NRXN1: variants seen among roughly 807,000 people sequenced by gnomAD.
NRXN1 encodes the protein neurexin-1.
In NRXN1, 39 loss-of-function variants were observed where a neutral mutation model predicts 150.9. The observed-to-expected ratio is 0.26, with a 90% CI of 0.20 to 0.34. The LOEUF (loss-of-function observed/expected upper bound fraction) is 0.34. Ranked by LOEUF, NRXN1 falls within the 10% of genes least tolerant of loss-of-function variation. NRXN1 has a pLI of 1.00. For missense variants in NRXN1, 1,815 were observed against 1,949.9 expected, an observed-to-expected ratio of 0.93 and a Z score of 1.30; for synonymous variants, 924 against 757.0, an observed-to-expected ratio of 1.22 and a Z score of -3.62.
chr2:50,110,792 T>C (rs1302057175), intron 18 of NRXN1, among the ~76,000 whole-genome samples: 2 of 152,186 alleles, frequency 1.3e-5, no homozygotes, highest in East Asian at 1.9e-4. Flanking sequence ...TAGGTTTTAA[T>C]TTAGACTACA....
intron 18 of NRXN1, among the ~76,000 whole-genome samples, chr2:50,168,442 G>A (rs969409475): frequency 7.2e-5 from 11 of 151,986 alleles, no homozygotes; most frequent in Non-Finnish European, 4.4e-5. Context: ...TAAAAATCAC[G>A]GTTCATTTGA....
intron 17 of NRXN1, among the ~76,000 whole-genome samples, chr2:50,443,594 G>C (rs1018997135): frequency 6.6e-6 from 1 of 152,156 alleles, no homozygotes; most frequent in Non-Finnish European, 1.5e-5. Flanking sequence ...AAATCAGTAT[G>C]TGATCTGGGC....
chr2:50,287,110 T>C (rs1402530900), intron 17 of NRXN1, among the ~76,000 whole-genome samples: 1 of 152,108 alleles, frequency 6.6e-6, no homozygotes, highest in African/African-American at 2.4e-5. Context: ...GAGCTTAATA[T>C]TTTTTCAACA....
At chr2:50,598,677 T>G (rs947391294) in intron 8 of NRXN1, among the ~76,000 whole-genome samples, 2 of 147,644 alleles carry the variant, frequency 1.4e-5, no homozygotes, top group East Asian at 1.9e-4. Context: ...CATATATATG[T>G]GTATGTATAT....
intron 17 of NRXN1, among the ~76,000 whole-genome samples, chr2:50,422,334 GA>G (rs1558703522): frequency 6.6e-6 from 1 of 152,078 alleles, no homozygotes; most frequent in East Asian, 1.9e-4. Flanking sequence ...TAAAAACAAA[GA>G]AAAACATTTT....
intron 16 of NRXN1, among the ~76,000 whole-genome samples, chr2:50,469,849 T>A (rs770125197): frequency 2.0e-5 from 3 of 150,544 alleles, no homozygotes; most frequent in Non-Finnish European, 3.0e-5. Flanking sequence ...AGTGACTGGG[T>A]TCAAATGTTC....
intron 18 of NRXN1, among the ~76,000 whole-genome samples, chr2:50,224,422 G>A (rs2064164374): frequency 6.6e-6 from 1 of 151,856 alleles, no homozygotes; most frequent in Non-Finnish European, 1.5e-5. Flanking sequence ...AGATCAGTGT[G>A]TGTTCCACAG....
intron 8 of NRXN1, among the ~76,000 whole-genome samples, chr2:50,555,100 C>T (rs1668040471): frequency 6.6e-6 from 1 of 152,086 alleles, no homozygotes; most frequent in Non-Finnish European, 1.5e-5. Flanking sequence ...GACTTTCATG[C>T]TACTTAAACC....
intron 17 of NRXN1, chr2:50,312,712 T>C (rs1224446768): frequency 3.9e-6 from 2 of 514,976 alleles, no homozygotes; most frequent in Admixed American, 3.9e-5. Flanking sequence ...CACTAGAAAA[T>C]GCTTCTATCA....
chr2:50,115,638 T>G (rs770745987), intron 18 of NRXN1, among the ~76,000 whole-genome samples: 4 of 151,820 alleles, frequency 2.6e-5, no homozygotes, highest in Non-Finnish European at 5.9e-5. Flanking sequence ...ATACTTCCAG[T>G]CTTGGGAAAA....
At chr2:50,656,698 C>G (rs1324148265) in intron 5 of NRXN1, among the ~76,000 whole-genome samples, 1 of 151,696 alleles carries the variant, frequency 6.6e-6, no homozygotes, top group African/African-American at 2.4e-5. Context: ...CATGTCCCCA[C>G]CACTCCATTC....
At chr2:50,627,300 A>G (rs1031775626) in intron 5 of NRXN1, among the ~76,000 whole-genome samples, 3 of 147,948 alleles carry the variant, frequency 2.0e-5, no homozygotes, top group African/African-American at 7.6e-5. Context: ...CTCATTTGTC[A>G]TTGCTTATTG....
At chr2:49,978,981 C>G (rs138186269) in intron 21 of NRXN1, among the ~76,000 whole-genome samples, 92 of 152,198 alleles carry the variant, frequency 6.0e-4, no homozygotes, top group African/African-American at 2.1e-3. Flanking sequence ...CAAAAATCAT[C>G]ATAGATAACA....
chr2:50,439,774 G>C (rs1384610416), intron 17 of NRXN1, among the ~76,000 whole-genome samples: 2 of 150,668 alleles, frequency 1.3e-5, no homozygotes, highest in African/African-American at 4.9e-5. Context: ...CCGAAATTGT[G>C]CCACTGCACT....
In NRXN1 at chr2:50,111,457, G is replaced by A. The variant is rs1199355883; in HGVS notation, c.3547-19963C>T. On this transcript the variant is annotated intron_variant, in intron 18 of 22. Transcript: ENST00000401669. ...AGGAGTGAGACCGCCTGGCCAACAC[G>A]GTGAAACCCCTTCTCTACTAAAAAT... 7.9e-5 allele frequency among the ~76,000 whole-genome samples: 12 copies of A among 151,992 alleles called. No homozygotes were observed. In the East Asian group the frequency reaches 2.3e-3, roughly 29 times the overall value.
At chr2:50,945,302 C>T (rs1690164799) in intron 2 of NRXN1, among the ~76,000 whole-genome samples, 1 of 152,034 alleles carries the variant, frequency 6.6e-6, no homozygotes, top group Admixed American at 6.6e-5. Flanking sequence ...GGTAAAACCA[C>T]ATCTCTACAA....
At chr2:49,941,482 A>C (rs1325513617) in intron 22 of NRXN1, among the ~76,000 whole-genome samples, 2 of 151,868 alleles carry the variant, frequency 1.3e-5, no homozygotes, top group African/African-American at 4.8e-5. Flanking sequence ...GGTTAATCAG[A>C]CCTATAAGCA....
intron 2 of NRXN1, among the ~76,000 whole-genome samples, chr2:51,024,178 G>A (rs773507121): frequency 1.3e-5 from 2 of 152,134 alleles, no homozygotes; most frequent in Non-Finnish European, 2.9e-5. Context: ...TCATTTAGAT[G>A]AGACCATAAC....
chr2:49,934,829 T>C (rs1279970579), intron 22 of NRXN1, among the ~76,000 whole-genome samples: 3 of 152,148 alleles, frequency 2.0e-5, no homozygotes, highest in Non-Finnish European at 1.5e-5. Flanking sequence ...GCCCAATTTT[T>C]TTCCCTCCAA....
Sources: gnomAD v4.1 joint callset for allele counts (sites outside exome capture counted in the v4.1 genomes callset) on GRCh38, gnomAD v4.1.1 for gene constraint, MANE v1.5 for transcripts, NCBI Gene and HGNC (gene_info 2026-07-23, HGNC 2026-07-21) for gene names.